RUVBL1: variants seen among roughly 807,000 people sequenced by gnomAD.
The protein encoded by RUVBL1 is ruvB-like 1.
Under a neutral mutation model 52.4 loss-of-function variants are expected in RUVBL1, and 4 were observed. The observed-to-expected ratio is 0.08, with a 90% CI of 0.04 to 0.17. RUVBL1 has a LOEUF of 0.17. Among genes scored for constraint, RUVBL1 ranks in the 10% least tolerant of loss-of-function variants. The pLI is 1.00. For synonymous variants in RUVBL1, 217 were observed against 214.4 expected, an observed-to-expected ratio of 1.01 and a Z score of -0.10; for missense variants, 298 against 572.8, an observed-to-expected ratio of 0.52 and a Z score of 4.90.
rs764491014 is a variant in RUVBL1 at position 128,119,311 on chromosome 3, T to C, written c.228+17A>G. ...CATTCTCCTGGGTAGATTTAAAAAATGAGAGAAAATGAGTACCTTGCCAGT... is the reference window on the plus strand; with the variant it reads ...CATTCTCCTGGGTAGATTTAAAAAACGAGAGAAAATGAGTACCTTGCCAGT... On this transcript the variant is annotated intron_variant, in intron 2 of 10. Transcript: ENST00000322623. The C allele has an allele frequency of 1.2e-6, 2 of 1,603,282 alleles. No individual in the cohort carries two copies. Among genetic ancestry groups the C allele is most frequent in the Admixed American group, 3.4e-5 (2 of 59,492 alleles).
At chr3:128,150,973 T>C (rs1433080936) in intron 1 of RUVBL1, among the ~76,000 whole-genome samples, 5 of 94,350 alleles carry the variant, frequency 5.3e-5, no homozygotes, top group African/African-American at 2.2e-4. Context: ...ATATATTATA[T>C]ATTATATATT....
At chr3:128,074,842 CAAAAAAAAAAA>C (rs386397876) in intron 9 of RUVBL1, among the ~76,000 whole-genome samples, 2 of 72,802 alleles carry the variant, frequency 2.7e-5, no homozygotes, top group Non-Finnish European at 5.5e-5. Context: ...AACTCCGTCT[CAAAAAAAAAAA>C]AAAAAAAAAA....
intron 3 of RUVBL1, among the ~76,000 whole-genome samples, chr3:128,112,621 A>C (rs145462086): frequency 6.6e-6 from 1 of 152,208 alleles, no homozygotes; most frequent in African/African-American, 2.4e-5. Flanking sequence ...ATGACTCATT[A>C]AAAAAACACT....
chr3:128,106,068 A>C (rs1172436207), intron 3 of RUVBL1, among the ~76,000 whole-genome samples: 3 of 151,804 alleles, frequency 2.0e-5, no homozygotes, highest in Admixed American at 6.6e-5. Context: ...TTTAGTAGAG[A>C]TAGGTTTCAC....
downstream of RUVBL1, among the ~76,000 whole-genome samples, chr3:128,076,797 C>T (rs902480391): frequency 6.6e-6 from 1 of 152,124 alleles, no homozygotes. This position sits in a 1 kb window ranked among gnomAD's most constrained non-coding sequence, Gnocchi z 6.8. Context: ...TCCCTGCATG[C>T]GGCTCCAGTG....
chr3:128,098,813 G>A (rs368655781), intron 7 of RUVBL1, 69 bp downstream of exon 7: 95 of 1,334,744 alleles, frequency 7.1e-5, no homozygotes, highest in South Asian at 2.3e-4. Flanking sequence ...TCACAGAGCC[G>A]CAAGAGCATC....
intron 2 of RUVBL1, among the ~76,000 whole-genome samples, chr3:128,114,505 G>T (rs554966839): frequency 6.6e-6 from 1 of 152,262 alleles, no homozygotes; most frequent in East Asian, 1.9e-4. Context: ...TCTGTCAAAT[G>T]AAAGTACTAA....
chr3:128,122,668 T>C (rs1301018137), intron 1 of RUVBL1, among the ~76,000 whole-genome samples: 2 of 152,250 alleles, frequency 1.3e-5, no homozygotes, highest in African/African-American at 4.8e-5. Context: ...GTAGCTTAAC[T>C]TTATATTAAG....
chr3:128,101,490 C>A, intron 5 of RUVBL1, 69 bp downstream of exon 5: 1 of 1,451,152 alleles, frequency 6.9e-7, no homozygotes, highest in South Asian at 1.1e-5. Context: ...GAAAGCAACT[C>A]CCTTGTCACT....
At chr3:128,129,798 A>G (rs1943847407) in intron 1 of RUVBL1, among the ~76,000 whole-genome samples, 1 of 152,212 alleles carries the variant, frequency 6.6e-6, no homozygotes. Context: ...TGGCTCCACT[A>G]TGAGGAAGTA....
At chr3:128,146,615 T>C (rs998565528) in intron 1 of RUVBL1, among the ~76,000 whole-genome samples, 1 of 150,022 alleles carries the variant, frequency 6.7e-6, no homozygotes, top group African/African-American at 2.5e-5. Context: ...TGCCGCTGTG[T>C]GCACGTCTGT....
rs74786059 is a variant in RUVBL1 at position 128,132,872 on chromosome 3, A to G, written c.-39-13458T>C. 1.5e-4 allele frequency among the ~76,000 whole-genome samples: 23 copies of G among 151,736 alleles called. No homozygotes were observed. In the East Asian group the frequency reaches 4.1e-3, roughly 27 times the overall value. On this transcript the variant is annotated intron_variant, in intron 1 of 9. Transcript: ENST00000464873. ...CTGTTTGAAGAAAGGAAAGAATAAA[A>G]GGGACTTTGTCTTGCAACTTGGACA...
At chr3:128,149,936 G>A (rs1161239409) in intron 1 of RUVBL1, among the ~76,000 whole-genome samples, 6 of 152,220 alleles carry the variant, frequency 3.9e-5, no homozygotes, top group Non-Finnish European at 8.8e-5. Context: ...GACATTTTCA[G>A]GATATGCTTA....
chr3:128,116,500 C>T (rs866548811), intron 2 of RUVBL1, among the ~76,000 whole-genome samples: 18 of 151,314 alleles, frequency 1.2e-4, no homozygotes, highest in South Asian at 1.0e-3. Flanking sequence ...CTGTACTCCA[C>T]CCTGGGCAAG....
intron 8 of RUVBL1, 69 bp downstream of exon 8, chr3:128,097,231 G>A (rs143434165): frequency 2.9e-4 from 419 of 1,434,840 alleles, no homozygotes; most frequent in African/African-American, 6.3e-4. Flanking sequence ...GGTTTGGAGA[G>A]ATCCTGAGGA....
chr3:128,149,067 T>C (rs1944145693), intron 1 of RUVBL1, among the ~76,000 whole-genome samples: 1 of 152,078 alleles, frequency 6.6e-6, no homozygotes, highest in African/African-American at 2.4e-5. Context: ...AAATTATGAT[T>C]TTTGGTAGCT....
chr3:128,147,233 C>A (rs1015425251), intron 1 of RUVBL1, among the ~76,000 whole-genome samples: 3 of 152,096 alleles, frequency 2.0e-5, no homozygotes, highest in African/African-American at 7.2e-5. Flanking sequence ...CCATACCTGG[C>A]TAATTTTTGT....
At chr3:128,148,329 C>A (rs969073570) in intron 1 of RUVBL1, among the ~76,000 whole-genome samples, 2 of 152,054 alleles carry the variant, frequency 1.3e-5, no homozygotes, top group East Asian at 1.9e-4. Context: ...GTAAAACCAA[C>A]AGAATTTTTT....
At chr3:128,089,943 C>T (rs1190976488) in intron 8 of RUVBL1, among the ~76,000 whole-genome samples, 1 of 80,008 alleles carries the variant, frequency 1.2e-5, no homozygotes, top group Non-Finnish European at 2.6e-5. Flanking sequence ...AAAAAAAACA[C>T]AGAAATAAAT....
Sources: allele counts gnomAD v4.1 joint callset (sites outside exome capture counted in the v4.1 genomes callset), GRCh38; gene constraint gnomAD v4.1.1; non-coding constraint Gnocchi (gnomAD v3.1); transcripts MANE v1.5; gene names NCBI Gene and HGNC (gene_info 2026-07-23, HGNC 2026-07-21).